PDXDC1: variants seen among roughly 807,000 people sequenced by gnomAD.
PDXDC1 encodes pyridoxal dependent decarboxylase domain containing 1.
Under a neutral mutation model 100.1 loss-of-function variants are expected in PDXDC1, and 42 were observed. The observed-to-expected ratio is 0.42, with a 90% confidence interval of 0.33 to 0.54. The LOEUF is 0.54. PDXDC1 is among the 20% of genes least tolerant of loss of function. The probability of loss-of-function intolerance (pLI) is 0.10; values close to 1 mark genes in which losing one functional copy is unlikely to be tolerated. For missense variants in PDXDC1, 636 were observed against 979.2 expected, an observed-to-expected ratio of 0.65 and a Z score of 4.68; for synonymous variants, 260 against 371.7, an observed-to-expected ratio of 0.70 and a Z score of 3.46.
intron 16 of PDXDC1, 39 bp from the exon 17 acceptor site, chr16:15,031,696 A>G (rs1289619863): frequency 3.2e-6 from 5 of 1,573,376 alleles, no homozygotes; most frequent in Non-Finnish European, 4.4e-6. Flanking sequence ...GTCATTGGCC[A>G]TCTCGTGAGC....
At chr16:15,085,912 CAGG>C (rs1226925325) in intron 16 of PDXDC1, among the ~76,000 whole-genome samples, 2 of 151,978 alleles carry the variant, frequency 1.3e-5, no homozygotes, top group African/African-American at 4.8e-5. Context: ...TAGATTTCAC[CAGG>C]AGTTCAATAA....
chr16:15,029,271 A>T lies in PDXDC1; in HGVS notation c.1293+305A>T, dbSNP rs1292058558. 3 of 582,624 alleles carry T rather than the reference A, an allele frequency of 5.1e-6. No homozygotes were observed. In the Admixed American group the frequency reaches 9.3e-5, roughly 18 times the overall value. 36.1% of individuals were successfully genotyped at this position (582,624 alleles called of 1,614,324 possible). A position where few individuals can be genotyped will look rare whatever the true frequency, so the allele number is the denominator to read the frequency against. On this transcript the variant is annotated intron_variant, in intron 15 of 22. Coordinates refer to ENST00000396410, the MANE Select transcript of PDXDC1 (RefSeq NM_015027.4). Reference sequence around the variant, plus strand: ...GTGGGTTCTGGTGAGCCTGGGCAGCACAGCCGGGAGCCCCAGGCAGAGTCT... The same window carrying T: ...GTGGGTTCTGGTGAGCCTGGGCAGCTCAGCCGGGAGCCCCAGGCAGAGTCT...
At chr16:15,014,707 A>G (rs1370352609) in intron 8 of PDXDC1, among the ~76,000 whole-genome samples, 5 of 152,260 alleles carry the variant, frequency 3.3e-5, no homozygotes, top group Non-Finnish European at 7.3e-5. Context: ...AGTGTTTGAA[A>G]TCTTTTTAGT....
chr16:15,028,092 C>T (rs1474159723), intron 14 of PDXDC1, among the ~76,000 whole-genome samples: 18 of 152,278 alleles, frequency 1.2e-4, no homozygotes, highest in African/African-American at 4.3e-4. Flanking sequence ...TCTCCCATGC[C>T]CCATGAGGCC....
chr16:15,006,794 CT>C (rs1329550197), intron 6 of PDXDC1, among the ~76,000 whole-genome samples: 1 of 152,282 alleles, frequency 6.6e-6, no homozygotes, highest in African/African-American at 2.4e-5. Context: ...AACATTTTCT[CT>C]TTTTTCCCAG....
At chr16:15,041,084 T>C, downstream of PDXDC1, 1 of 1,601,232 alleles carries the variant, frequency 6.2e-7, no homozygotes, top group Non-Finnish European at 8.6e-7. Context: ...CATATATTAC[T>C]GGAAAGTGGT....
At chr16:15,053,887 G>A (rs1425399029) in intron 16 of PDXDC1, among the ~76,000 whole-genome samples, 1 of 152,172 alleles carries the variant, frequency 6.6e-6, no homozygotes, top group African/African-American at 2.4e-5. Context: ...AATCCAGCCT[G>A]GGCCACAGAA....
At chr16:15,071,037 T>A (rs1300153755) in intron 16 of PDXDC1, 2 of 1,196,186 alleles carry the variant, frequency 1.7e-6, no homozygotes, top group South Asian at 1.5e-5. Context: ...CCAAAAAAAA[T>A]GGGAGATATT....
At chr16:15,021,171 G>C (rs1405745582) in intron 12 of PDXDC1, among the ~76,000 whole-genome samples, 1 of 152,268 alleles carries the variant, frequency 6.6e-6, no homozygotes, top group Non-Finnish European at 1.5e-5. Context: ...AAACCTCAGA[G>C]TTCAACACCA....
intron 11 of PDXDC1, among the ~76,000 whole-genome samples, 190 bp downstream of exon 11, chr16:15,017,612 A>G (rs2041889541): frequency 6.6e-6 from 1 of 152,282 alleles, no homozygotes; most frequent in South Asian, 2.1e-4. Context: ...TTCTGTCACA[A>G]TTTAATTATT....
At position 15,090,873 on chromosome 16, in the gene PDXDC1, GTT is replaced by G. The variant is rs4012873; in HGVS notation, c.1400-47991_1400-47990del. Among the ~76,000 whole-genome samples, 247 of 128,128 alleles carry G rather than the reference GTT, an allele frequency of 1.9e-3. 1 individual carries two copies. Among genetic ancestry groups the G allele is most frequent in the African/African-American group, 5.3e-3 (183 of 34,750 alleles). The allele number at this position is 128,128 out of a possible 152,430, so 84.1% of individuals were successfully genotyped here. ...CCTGGAAATGCTGAATCAGTGGTTT[GTT>G]TTTTTTTTTTTTTTGCTTTGTTTTA... On this transcript the variant is annotated intron_variant, in intron 16 of 16. Transcript: ENST00000535621.
chr16:14,995,901 T>G (rs1971856642), intron 1 of PDXDC1, among the ~76,000 whole-genome samples: 1 of 152,416 alleles, frequency 6.6e-6, no homozygotes, highest in East Asian at 1.9e-4. Context: ...TGTATCCATT[T>G]CTTCTAGATT....
chr16:15,067,954 C>G (rs2045047963), intron 16 of PDXDC1, among the ~76,000 whole-genome samples: 1 of 151,850 alleles, frequency 6.6e-6, no homozygotes, highest in African/African-American at 2.4e-5. Context: ...GAGATAGGGT[C>G]TCACTATGTT....
chr16:15,148,333 G>A, the PDXDC1 span, among the ~76,000 whole-genome samples: 2 of 142,866 alleles, frequency 1.4e-5, 1 homozygote, highest in Admixed American at 1.4e-4. Context: ...GGCCATCTGT[G>A]CATCTTCTTT....
At chr16:15,097,468 C>CAAAAATAAA (rs2046396751) in intron 16 of PDXDC1, among the ~76,000 whole-genome samples, 1 of 65,854 alleles carries the variant, frequency 1.5e-5, no homozygotes, top group Non-Finnish European at 2.6e-5. Flanking sequence ...ACTAAAAATA[C>CAAAAATAAA]AAAAAAAAAA....
chr16:15,092,833 T>C (rs1171890116), intron 16 of PDXDC1, among the ~76,000 whole-genome samples: 1 of 152,158 alleles, frequency 6.6e-6, no homozygotes, highest in African/African-American at 2.4e-5. Context: ...CTCAGTGTGG[T>C]CTTTAAGATC....
In PDXDC1 at chr16:15,086,301, T is replaced by C. The variant is rs200367229; in HGVS notation, c.1400-52578T>C. The C allele has an allele frequency of 2.5e-6, 4 of 1,596,030 alleles. No individual in the cohort carries two copies. The East Asian group carries it at 6.7e-5, about 27-fold the overall frequency. The stretch of plus-strand genomic sequence containing the variant: ...AGATAAAAGCAGCATGTTATTAATA[T>C]AACATATACTATTACCAAAGTTCTG... On this transcript the variant is annotated intron_variant, in intron 16 of 16. Transcript: ENST00000535621.
chr16:15,079,298 G>C (rs1270937705), intron 16 of PDXDC1, among the ~76,000 whole-genome samples: 1 of 152,132 alleles, frequency 6.6e-6, no homozygotes, highest in Non-Finnish European at 1.5e-5. Flanking sequence ...GCACCTTAGT[G>C]CGGGCCTCCT....
intron 1 of PDXDC1, among the ~76,000 whole-genome samples, chr16:14,982,490 G>T (rs1396239608): frequency 1.2e-4 from 18 of 152,276 alleles, no homozygotes; most frequent in Admixed American, 2.6e-4. Flanking sequence ...AGGTGTGGTG[G>T]CTCACGCCTG....
Sources: allele counts gnomAD v4.1 joint callset (sites outside exome capture counted in the v4.1 genomes callset), GRCh38; gene constraint gnomAD v4.1.1; transcripts MANE v1.5; gene names NCBI Gene and HGNC (gene_info 2026-07-23, HGNC 2026-07-21).